MKLN1: variants seen among roughly 807,000 people sequenced by gnomAD.
MKLN1 encodes muskelin.
In MKLN1, 18 loss-of-function variants were observed where a neutral mutation model predicts 99.0. The ratio of observed to expected loss-of-function variants is 0.18; its 90% confidence interval spans 0.13 to 0.27. The LOEUF (loss-of-function observed/expected upper bound fraction) is 0.27. MKLN1 is among the 10% of genes least tolerant of loss of function. MKLN1 has a pLI of 1.00. For synonymous variants in MKLN1, 288 were observed against 293.2 expected (o/e 0.98, Z 0.18); for missense variants, 621 against 875.9 (o/e 0.71, Z 3.67).
intron 14 of MKLN1, among the ~76,000 whole-genome samples, chr7:131,464,641 T>C (rs1450113060): frequency 6.6e-6 from 1 of 152,192 alleles, no homozygotes. Flanking sequence ...AAATAGTCAG[T>C]GGCAGCTTCT....
At chr7:131,159,288 A>G (rs752201741) in intron 2 of MKLN1, among the ~76,000 whole-genome samples, 1 of 152,194 alleles carries the variant, frequency 6.6e-6, no homozygotes, top group Non-Finnish European at 1.5e-5. Context: ...AATATCTATC[A>G]CACAAGCTAA....
chr7:131,308,266 T>C (rs2116631926), intron 3 of MKLN1, among the ~76,000 whole-genome samples: 2 of 151,494 alleles, frequency 1.3e-5, no homozygotes, highest in East Asian at 3.9e-4. Context: ...ACGTAGTTTT[T>C]TTTTTTTTTT....
chr7:131,344,046 A>C (rs1024259077), intron 1 of MKLN1, among the ~76,000 whole-genome samples: 4 of 152,210 alleles, frequency 2.6e-5, no homozygotes, highest in African/African-American at 9.6e-5. Context: ...CTGATTTTAA[A>C]ACGGTTTGAT....
intron 3 of MKLN1, among the ~76,000 whole-genome samples, chr7:131,224,460 C>T (rs563732426): frequency 1.1e-3 from 168 of 151,766 alleles, no homozygotes; most frequent in African/African-American, 3.8e-3. Context: ...GCAGGAGAAT[C>T]GCTCGAACCC....
At chr7:131,254,703 G>A (rs1015232113) in intron 3 of MKLN1, among the ~76,000 whole-genome samples, 8 of 151,924 alleles carry the variant, frequency 5.3e-5, no homozygotes, top group African/African-American at 1.7e-4. Context: ...ATTGGCATAC[G>A]AAAGAATCAG....
intron 3 of MKLN1, among the ~76,000 whole-genome samples, chr7:131,238,371 C>T (rs564301743): frequency 3.3e-5 from 5 of 152,258 alleles, no homozygotes; most frequent in African/African-American, 1.2e-4. Context: ...TTCATTCACC[C>T]CGAAACATTT....
At chr7:131,314,824 C>T (rs533809823) in intron 3 of MKLN1, among the ~76,000 whole-genome samples, 7 of 151,994 alleles carry the variant, frequency 4.6e-5, no homozygotes, top group South Asian at 2.1e-4. Context: ...AGCGGGAGTG[C>T]GGTGTGACAT....
chr7:131,187,534 G>T (rs1047097369), intron 2 of MKLN1, among the ~76,000 whole-genome samples: 11 of 152,164 alleles, frequency 7.2e-5, no homozygotes, highest in Admixed American at 7.2e-4. Flanking sequence ...GTTGTCTATG[G>T]CTGCTTTAGT....
intron 11 of MKLN1, 39 bp from the exon 12 acceptor site, chr7:131,445,735 A>G (rs780501096): frequency 2.6e-6 from 4 of 1,545,932 alleles, no homozygotes; most frequent in Admixed American, 1.9e-5. Context: ...CATGGAAGTG[A>G]TAAGTTACTC....
At chr7:131,426,452 T>C (rs1416039482) in intron 8 of MKLN1, among the ~76,000 whole-genome samples, 1 of 152,222 alleles carries the variant, frequency 6.6e-6, no homozygotes, top group Non-Finnish European at 1.5e-5. Flanking sequence ...TTAATTTTTT[T>C]TTTCTGTAAA....
chr7:131,326,555 C>T (rs946083331), upstream of MKLN1, among the ~76,000 whole-genome samples: 8 of 152,004 alleles, frequency 5.3e-5, no homozygotes, highest in Non-Finnish European at 7.4e-5. Context: ...ATGTTGGCCA[C>T]GCTGGTTTCG....
chr7:131,327,707 A>T, upstream of MKLN1: 1 of 1,002,300 alleles, frequency 1.0e-6, no homozygotes, highest in Non-Finnish European at 1.4e-6. Flanking sequence ...AGTGTCGGTC[A>T]GCCGTCAAGG....
chr7:131,300,359 GA>G (rs901249265), intron 3 of MKLN1, among the ~76,000 whole-genome samples: 1 of 150,918 alleles, frequency 6.6e-6, no homozygotes, highest in Admixed American at 6.6e-5. Flanking sequence ...TGGAGGGTGG[GA>G]AAAAAAAGCA....
At position 131,488,602 on chromosome 7, in the gene MKLN1, T is replaced by C. The variant is rs1486316949; in HGVS notation, c.*874T>C. On this transcript the variant is annotated 3_prime_UTR_variant, in exon 18 of 18. Coordinates refer to ENST00000352689, the MANE Select transcript of MKLN1 (RefSeq NM_013255.5). ...GCAATTTTAGGAGAAAATGACTCTT[T>C]CGTCCAGAAGAGCTCTGCAGAACCA... 1 of 152,572 alleles carries C rather than the reference T, an allele frequency of 6.6e-6. No homozygotes were observed. The highest frequency in any genetic ancestry group is 2.4e-5 in the African/African-American group (1 of 41,432). The allele number at this position is 152,572 out of a possible 1,614,324, so 9.5% of individuals were successfully genotyped here.
intron 8 of MKLN1, among the ~76,000 whole-genome samples, chr7:131,425,661 G>GA (rs1376756545): frequency 6.6e-6 from 1 of 152,112 alleles, no homozygotes; most frequent in African/African-American, 2.4e-5. Context: ...ATCCCATTCA[G>GA]AAAAAATATA....
At chr7:131,239,033 C>T (rs180828847) in intron 3 of MKLN1, among the ~76,000 whole-genome samples, 15 of 152,266 alleles carry the variant, frequency 9.9e-5, no homozygotes, top group East Asian at 5.8e-4. Flanking sequence ...CAGGTTTTGA[C>T]GTATCACTAG....
At chr7:131,254,175 G>T (rs1458594076) in intron 3 of MKLN1, among the ~76,000 whole-genome samples, 1 of 152,170 alleles carries the variant, frequency 6.6e-6, no homozygotes, top group African/African-American at 2.4e-5. Context: ...TCCCGAGGGG[G>T]CTGTGCACAT....
At chr7:131,224,265 G>A (rs1388841177) in intron 3 of MKLN1, among the ~76,000 whole-genome samples, 1 of 152,242 alleles carries the variant, frequency 6.6e-6, no homozygotes, top group Non-Finnish European at 1.5e-5. Context: ...ATTAGCTGGG[G>A]CTGGGTGCGG....
intron 1 of MKLN1, among the ~76,000 whole-genome samples, chr7:131,332,801 T>C (rs2116699442): frequency 6.6e-6 from 1 of 152,244 alleles, no homozygotes; most frequent in Admixed American, 6.5e-5. Context: ...TCTTGCTCTG[T>C]CACCCATGCT....
Sources: gnomAD v4.1 joint callset for allele counts (sites outside exome capture counted in the v4.1 genomes callset) on GRCh38, gnomAD v4.1.1 for gene constraint, MANE v1.5 for transcripts, NCBI Gene and HGNC (gene_info 2026-07-23, HGNC 2026-07-21) for gene names.